The following ACBD4 variants were observed in gnomAD, a reference collection of about 807,000 sequenced individuals.
The protein encoded by ACBD4 is acyl-CoA-binding domain-containing protein 4.
A neutral mutation model predicts 46.0 loss-of-function variants in ACBD4; 41 were observed. That is an observed-to-expected ratio of 0.89 (90% confidence interval 0.69 to 1.16). The LOEUF (loss-of-function observed/expected upper bound fraction) is 1.16, where lower values mean the gene tolerates loss of function less well. Among genes scored for constraint, ACBD4 ranks in the 50% most tolerant of loss-of-function variants. The probability of loss-of-function intolerance (pLI) is 0.00; values close to 1 mark genes in which losing one functional copy is unlikely to be tolerated. For missense variants in ACBD4, 393 were observed against 399.5 expected (o/e 0.98, Z 0.14); for synonymous variants, 162 against 155.9 (o/e 1.04, Z -0.29).
upstream of ACBD4, among the ~76,000 whole-genome samples, chr17:45,134,216 T>A (rs907444844): frequency 5.3e-5 from 8 of 152,178 alleles, no homozygotes. Flanking sequence ...AGTGGCATGA[T>A]CATAGCTCAC....
In ACBD4 at chr17:45,143,661, C is replaced by T; in HGVS notation, c.*90C>T. ...GTTTAGAAGAACAGCATTCAAAATT[C>T]CCCGTCCTGTCAGTGTTTGCCTTCG... On this transcript the variant is annotated 3_prime_UTR_variant, in exon 10 of 10. Coordinates refer to ENST00000321854, the MANE Select transcript of ACBD4 (RefSeq NM_001135705.3). 1.9e-6 allele frequency: 3 copies of T among 1,605,454 alleles called. No homozygotes were observed. Among genetic ancestry groups the T allele is most frequent in the African/African-American group, 2.7e-5 (2 of 74,852 alleles).
At chr17:45,141,328 G>A (rs1163140135) in intron 9 of ACBD4, among the ~76,000 whole-genome samples, 1 of 152,148 alleles carries the variant, frequency 6.6e-6, no homozygotes, top group Middle Eastern at 3.2e-3. Flanking sequence ...ACATCCTCAT[G>A]GGTGGTTCCT....
chr17:45,136,387 C>T (rs983417548), intron 2 of ACBD4, 113 bp from the exon 3 acceptor site: 74 of 1,453,728 alleles, frequency 5.1e-5, no homozygotes, highest in Non-Finnish European at 6.7e-5. Context: ...AGTCCAGATG[C>T]CCTGGGTGGG....
intron 6 of ACBD4, 103 bp from the exon 7 acceptor site, chr17:45,137,657 C>T (rs563924006): frequency 6.1e-5 from 86 of 1,416,810 alleles, no homozygotes; most frequent in African/African-American, 8.5e-5. Context: ...TCTAGTGCCT[C>T]GTATCTCTAG....
chr17:45,137,334 C>T, intron 5 of ACBD4, 34 bp from the exon 6 acceptor site: 1 of 1,613,122 alleles, frequency 6.2e-7, no homozygotes, highest in Non-Finnish European at 8.5e-7. Flanking sequence ...CCAGCCTCTC[C>T]CCAGGCCCAC....
At position 45,136,637 on chromosome 17, in the gene ACBD4, C is replaced by T. The variant is rs1453820553; in HGVS notation, c.209+17C>T. The T allele has an allele frequency of 1.2e-6, 2 of 1,613,684 alleles. No individual in the cohort carries two copies. The highest frequency in any genetic ancestry group is 2.2e-5 in the South Asian group (2 of 91,076). The stretch of plus-strand genomic sequence containing the variant: ...ATATAAGTGGTGAGCTCCCTGCTGG[C>T]TGGGCAGACAAGCCTCAGCTGTCAA... On this transcript the variant is annotated intron_variant, in intron 3 of 9. Transcript: ENST00000321854.
chr17:45,137,097 G>C lies in ACBD4; in HGVS notation c.373G>C (p.Asp125His). Residue 125 changes from aspartate (D) to histidine (H), a missense_variant, in exon 5 of 10, where the codon GAC becomes CAC. Coordinates refer to ENST00000321854, the MANE Select transcript of ACBD4 (RefSeq NM_001135705.3). The part of the protein sequence containing the change: ...YFEPLYQVIP[D>H]MPRPPETFLR... ...CGAGCCCCTGTACCAGGTGATCCCT[G>C]ACATGCCGAGGCCCCCAGAGACCTT... The C allele has an allele frequency of 6.2e-7, 1 of 1,614,144 alleles. No homozygotes were observed. Among genetic ancestry groups the C allele is most frequent in the Non-Finnish European group, 8.5e-7 (1 of 1,180,010 alleles).
At chr17:45,138,060 G>C (rs932323385) in intron 8 of ACBD4, 72 bp downstream of exon 8, 2 of 1,461,296 alleles carry the variant, frequency 1.4e-6, no homozygotes, top group Non-Finnish European at 1.9e-6. Context: ...CTTTCTCTTG[G>C]CTGCCTTCCT....
At chr17:45,138,227 G>A (rs971255035) in intron 8 of ACBD4, 1 of 587,426 alleles carries the variant, frequency 1.7e-6, no homozygotes, top group South Asian at 2.0e-5. Flanking sequence ...TGCAGGTCCT[G>A]AGTAAGGCCA....
At chr17:45,133,435 G>A (rs1369318551), upstream of ACBD4, 1 of 151,154 alleles carries the variant, frequency 6.6e-6, no homozygotes, top group East Asian at 1.9e-4. Context: ...TACTTGCCCT[G>A]CTCTACCCCA....
chr17:45,138,787 T>TAA (rs78362547), intron 8 of ACBD4, among the ~76,000 whole-genome samples: 10 of 108,476 alleles, frequency 9.2e-5, no homozygotes, highest in Admixed American at 3.8e-4. Context: ...CAAGACTGTC[T>TAA]AAAAAAAAAA....
intron 8 of ACBD4, 61 bp from the exon 9 acceptor site, chr17:45,138,960 C>G: frequency 6.3e-7 from 1 of 1,586,622 alleles, no homozygotes; most frequent in South Asian, 1.1e-5. Flanking sequence ...AGCCTGCCCC[C>G]ACCCTGCCCA....
chr17:45,143,487 C>T lies in ACBD4; in HGVS notation c.834C>T (p.Leu278=), dbSNP rs1598108304. 8 of 1,613,426 alleles carry T rather than the reference C, an allele frequency of 5.0e-6. No individual in the cohort carries two copies. Among genetic ancestry groups the T allele is most frequent in the South Asian group, 2.2e-5 (2 of 91,078 alleles). ...RPSARPWPLG[L]PGPALLFFLL... is the part of the protein sequence containing the mutation. ...GTGCTCGGCCATGGCCCCTTGGGCT[C>T]CCGGGGCCCGCGCTGCTCTTCTTCC... Residue 278 remains leucine, a synonymous_variant, in exon 10 of 10, where the codon CTC becomes CTT. Coordinates refer to ENST00000321854, the MANE Select transcript of ACBD4 (RefSeq NM_001135705.3).
chr17:45,137,686 T>C (rs1286891863), intron 6 of ACBD4, 74 bp from the exon 7 acceptor site: 1 of 1,542,922 alleles, frequency 6.5e-7, no homozygotes, highest in Admixed American at 1.7e-5. Flanking sequence ...AAACAGGTGC[T>C]TCTGCCCAGT....
rs113622741 is a variant in ACBD4, at chr17:45,137,024, C to T, written c.300C>T (p.Ile100=). The T allele has an allele frequency of 1.2e-5, 19 of 1,613,966 alleles. 1 individual carries two copies. The highest frequency in any genetic ancestry group is 6.6e-5 in the South Asian group (6 of 91,090). Reference sequence around the variant, plus strand: ...ACAGACCCCCTCCCCTACAGGTGATCGACACAGTGCCCCTGGGTGAGGTGG... The same window carrying T: ...ACAGACCCCCTCCCCTACAGGTGATTGACACAGTGCCCCTGGGTGAGGTGG... ...TEMKLVAQKV[I]DTVPLGEVAE... is the part of the protein sequence containing the mutation. Residue 100 remains isoleucine, a synonymous_variant, in exon 5 of 10, where the codon ATC becomes ATT. Coordinates refer to ENST00000321854, the MANE Select transcript of ACBD4 (RefSeq NM_001135705.3).
intron 4 of ACBD4, 41 bp from the exon 5 acceptor site, chr17:45,136,978 C>T (rs2054886550): frequency 1.2e-6 from 2 of 1,612,660 alleles, no homozygotes; most frequent in Admixed American, 1.7e-5. Context: ...GAGGAAGGGA[C>T]AGGAGGCCAC....
upstream of ACBD4, among the ~76,000 whole-genome samples, chr17:45,134,480 T>A (rs929265246): frequency 2.0e-5 from 3 of 150,362 alleles, no homozygotes; most frequent in Middle Eastern, 3.5e-3. Flanking sequence ...ATAATTAATT[T>A]AAAAAGATAC....
At chr17:45,143,018 C>T (rs1460847549) in intron 9 of ACBD4, 1 of 159,954 alleles carries the variant, frequency 6.3e-6, no homozygotes, top group African/African-American at 2.4e-5. Context: ...CCTTCCCTGC[C>T]CCAGGCCTGG....
At chr17:45,138,304 T>A (rs1365295740) in intron 8 of ACBD4, 1 of 484,894 alleles carries the variant, frequency 2.1e-6, no homozygotes, top group East Asian at 3.7e-5. Flanking sequence ...TCATCCATAT[T>A]CTCTGGACTC....
Sources: gnomAD v4.1 joint callset for allele counts (sites outside exome capture counted in the v4.1 genomes callset) on GRCh38, gnomAD v4.1.1 for gene constraint, MANE v1.5 for transcripts, NCBI Gene and HGNC (gene_info 2026-07-23, HGNC 2026-07-21) for gene names.